The following SIPA1L1 variants were observed in gnomAD, a reference collection of about 807,000 sequenced individuals.
The protein encoded by SIPA1L1 is signal induced proliferation associated 1 like 1.
Under a neutral mutation model 162.7 loss-of-function variants are expected in SIPA1L1, and 26 were observed. The observed-to-expected ratio is 0.16, with a 90% CI of 0.12 to 0.22. The LOEUF (loss-of-function observed/expected upper bound fraction) is 0.22. SIPA1L1 is among the 10% of genes least tolerant of loss of function. SIPA1L1 has a pLI of 1.00. For missense variants in SIPA1L1, 1,874 were observed against 2,241.0 expected (o/e 0.84, Z 3.31); for synonymous variants, 829 against 837.4 (o/e 0.99, Z 0.17).
chr14:71,330,120 A>G (rs1214039748), intron 2 of SIPA1L1, among the ~76,000 whole-genome samples: 1 of 152,212 alleles, frequency 6.6e-6, no homozygotes, highest in Non-Finnish European at 1.5e-5. Flanking sequence ...GGGCTAGGTT[A>G]TGCCTAGATA....
intron 6 of SIPA1L1, among the ~76,000 whole-genome samples, chr14:71,623,080 C>T (rs2039616156): frequency 6.6e-6 from 1 of 152,188 alleles, no homozygotes; most frequent in Non-Finnish European, 1.5e-5. Context: ...TTTCTTTATG[C>T]CCTGAGCCAC....
At chr14:71,344,620 T>G (rs2035972712) in intron 2 of SIPA1L1, among the ~76,000 whole-genome samples, 1 of 152,138 alleles carries the variant, frequency 6.6e-6, no homozygotes, top group Non-Finnish European at 1.5e-5. Context: ...AATGCTGTGG[T>G]GTAATCTTGG....
intron 2 of SIPA1L1, among the ~76,000 whole-genome samples, chr14:71,351,678 T>C (rs928664010): frequency 6.6e-6 from 1 of 152,198 alleles, no homozygotes; most frequent in African/African-American, 2.4e-5. Flanking sequence ...CTCAAAACCA[T>C]GTTGAGAAGC....
chr14:71,598,574 T>G (rs549113152), intron 5 of SIPA1L1, among the ~76,000 whole-genome samples: 1 of 152,274 alleles, frequency 6.6e-6, no homozygotes, highest in African/African-American at 2.4e-5. Flanking sequence ...GTCAAGGTCA[T>G]GGAAGACAAG....
At chr14:71,585,834 G>C (rs1596282216) in intron 4 of SIPA1L1, among the ~76,000 whole-genome samples, 1 of 152,192 alleles carries the variant, frequency 6.6e-6, no homozygotes, top group African/African-American at 2.4e-5. Flanking sequence ...ATGTTGAACA[G>C]GTGTTTGCAT....
chr14:71,582,660 A>G (rs1442914779), intron 4 of SIPA1L1, among the ~76,000 whole-genome samples: 1 of 152,122 alleles, frequency 6.6e-6, no homozygotes, highest in African/African-American at 2.4e-5. Context: ...TAACTTTTCT[A>G]TTCACTTTGT....
intron 4 of SIPA1L1, among the ~76,000 whole-genome samples, chr14:71,544,049 G>T (rs144625084): frequency 6.7e-6 from 1 of 149,490 alleles, no homozygotes; most frequent in Non-Finnish European, 1.5e-5. Context: ...ACACACGCAC[G>T]CACATGTATG....
intron 2 of SIPA1L1, among the ~76,000 whole-genome samples, chr14:71,440,084 G>A (rs1192447354): frequency 2.0e-5 from 3 of 152,128 alleles, no homozygotes; most frequent in East Asian, 1.9e-4. Flanking sequence ...AAGCTGGAGT[G>A]GCGCCATCTC....
At chr14:71,691,438 A>G (rs1173867470) in intron 13 of SIPA1L1, among the ~76,000 whole-genome samples, 7 of 152,160 alleles carry the variant, frequency 4.6e-5, no homozygotes, top group Admixed American at 4.6e-4. Context: ...CAAAAAATAA[A>G]AAAAAATTAG....
At chr14:71,378,321 T>G (rs776523396) in intron 2 of SIPA1L1, among the ~76,000 whole-genome samples, 2 of 152,146 alleles carry the variant, frequency 1.3e-5, no homozygotes, top group African/African-American at 2.4e-5. Context: ...GGTAGATCTT[T>G]CTTATTTTCT....
intron 5 of SIPA1L1, among the ~76,000 whole-genome samples, chr14:71,615,824 A>G (rs1274061563): frequency 6.6e-6 from 1 of 152,090 alleles, no homozygotes; most frequent in Non-Finnish European, 1.5e-5. Context: ...CTGACCAACC[A>G]TCTCTACAAA....
chr14:71,589,294 A>G lies in SIPA1L1; in HGVS notation c.1422A>G (p.Leu474=). 6.2e-7 allele frequency: 1 copy of G among 1,613,996 alleles called. No homozygotes were observed. The highest frequency in any genetic ancestry group is 8.5e-7 in the Non-Finnish European group (1 of 1,179,876). Residue 474 remains leucine, a synonymous_variant, in exon 5 of 24, where the codon CTA becomes CTG. Coordinates refer to ENST00000381232, the MANE Select transcript of SIPA1L1 (RefSeq NM_001386936.1). ...CCAAGGAGAACTTGGTGTTGCACCTAGATAGAGTGAAAAGATACATCGTGG... is the reference window on the plus strand; with the variant it reads ...CCAAGGAGAACTTGGTGTTGCACCTGGATAGAGTGAAAAGATACATCGTGG... The part of the protein sequence containing the change: ...EVPKENLVLH[L]DRVKRYIVEH...
intron 2 of SIPA1L1, among the ~76,000 whole-genome samples, chr14:71,346,383 G>A (rs1489020080): frequency 6.6e-6 from 1 of 152,154 alleles, no homozygotes; most frequent in Non-Finnish European, 1.5e-5. Context: ...TTCATGCTGA[G>A]AACTTTGGGT....
chr14:71,717,556 T>C (rs936836847), intron 17 of SIPA1L1, among the ~76,000 whole-genome samples: 1 of 152,168 alleles, frequency 6.6e-6, no homozygotes, highest in Non-Finnish European at 1.5e-5. Flanking sequence ...TCTCTGTGAG[T>C]AAAATGAAAT....
At chr14:71,465,516 T>C (rs1482584242) in intron 2 of SIPA1L1, among the ~76,000 whole-genome samples, 2 of 152,202 alleles carry the variant, frequency 1.3e-5, no homozygotes, top group African/African-American at 4.8e-5. Flanking sequence ...GGTGAATCAG[T>C]AGTGTCAAAT....
intron 4 of SIPA1L1, among the ~76,000 whole-genome samples, chr14:71,581,625 G>GT (rs528879649): frequency 1.4e-3 from 210 of 152,130 alleles, no homozygotes; most frequent in Non-Finnish European, 2.5e-3. Context: ...GGGTGAATAA[G>GT]TTTTTTTAAT....
At chr14:71,579,411 C>A (rs1248510017) in intron 4 of SIPA1L1, among the ~76,000 whole-genome samples, 1 of 151,870 alleles carries the variant, frequency 6.6e-6, no homozygotes, top group Non-Finnish European at 1.5e-5. Flanking sequence ...CTGTTCAAAC[C>A]TGTGTTGTTC....
intron 13 of SIPA1L1, among the ~76,000 whole-genome samples, chr14:71,691,866 C>T (rs1343508827): frequency 2.0e-5 from 3 of 152,178 alleles, no homozygotes; most frequent in Non-Finnish European, 2.9e-5. Flanking sequence ...ATGTTCTTAC[C>T]ACCACATGGC....
chr14:71,496,913 T>A lies in SIPA1L1; in HGVS notation c.-464-15830T>A, dbSNP rs191498633. Among the ~76,000 whole-genome samples, 337 of 152,286 alleles carry A rather than the reference T, an allele frequency of 2.2e-3. 3 individuals are homozygous for A. The highest frequency in any genetic ancestry group is 3.3e-3 in the Admixed American group (50 of 15,306). On this transcript the variant is annotated intron_variant, in intron 2 of 23. Transcript: ENST00000381232. ...TGGGCTGGGCGCGGTGGCTCACGCC[T>A]GTAATCCCAGCACTTTGGGAGGCCG...
Sources: allele counts gnomAD v4.1 joint callset (sites outside exome capture counted in the v4.1 genomes callset), GRCh38; gene constraint gnomAD v4.1.1; transcripts MANE v1.5; gene names NCBI Gene and HGNC (gene_info 2026-07-23, HGNC 2026-07-21).